Variants in AUH observed in about 807,000 individuals in gnomAD.
AUH encodes AU RNA binding methylglutaconyl-CoA hydratase, also known as methylglutaconyl-CoA hydratase, mitochondrial.
A neutral mutation model predicts 42.3 loss-of-function variants in AUH; 29 were observed. The observed-to-expected ratio is 0.69, with a 90% CI of 0.51 to 0.93. AUH has a LOEUF of 0.93. AUH is among the 40% of genes least tolerant of loss of function. The pLI is 0.00. For synonymous variants in AUH, 174 were observed against 166.4 expected (o/e 1.05, Z -0.35); for missense variants, 452 against 438.1 (o/e 1.03, Z -0.28).
chr9:91,229,206 A>G (rs558135932), intron 6 of AUH, among the ~76,000 whole-genome samples: 105 of 143,416 alleles, frequency 7.3e-4, no homozygotes, highest in African/African-American at 2.5e-3. Flanking sequence ...TTTGTAGGTC[A>G]CTCAGGACTT....
At chr9:91,290,336 A>G (rs10991871) in intron 6 of AUH, among the ~76,000 whole-genome samples, 10,876 of 152,104 alleles carry the variant, frequency 0.072, 672 homozygotes, top group East Asian at 0.26. Context: ...AAGATCTCGA[A>G]CCCAAGAGTT....
intron 6 of AUH, among the ~76,000 whole-genome samples, chr9:91,245,107 A>C (rs1828722309): frequency 6.6e-6 from 1 of 152,200 alleles, no homozygotes; most frequent in Admixed American, 6.5e-5. Context: ...GGGAGGAAAA[A>C]AGCAACGAGA....
chr9:91,307,251 G>C (rs1039796663), intron 4 of AUH, among the ~76,000 whole-genome samples: 1 of 152,092 alleles, frequency 6.6e-6, no homozygotes, highest in Non-Finnish European at 1.5e-5. Flanking sequence ...CCTCAATAAA[G>C]CTATTTTAAA....
At chr9:91,271,585 C>T (rs1349725180) in intron 6 of AUH, among the ~76,000 whole-genome samples, 2 of 152,250 alleles carry the variant, frequency 1.3e-5, no homozygotes, top group Admixed American at 6.5e-5. Context: ...TTTAGTAGGG[C>T]TTGTCCTATG....
At chr9:91,214,639 G>A (rs1225784594) in intron 9 of AUH, among the ~76,000 whole-genome samples, 3 of 151,382 alleles carry the variant, frequency 2.0e-5, no homozygotes, top group African/African-American at 7.4e-5. Context: ...TCCTAATAAG[G>A]TGGAAGGTTA....
At chr9:91,290,877 C>A (rs1826816805) in intron 6 of AUH, among the ~76,000 whole-genome samples, 3 of 152,232 alleles carry the variant, frequency 2.0e-5, no homozygotes, top group African/African-American at 7.2e-5. Context: ...CCCATCTGTC[C>A]CCAAAAATCA....
chr9:91,233,169 G>C (rs187225130), intron 6 of AUH, among the ~76,000 whole-genome samples: 7 of 151,870 alleles, frequency 4.6e-5, no homozygotes, highest in African/African-American at 7.3e-5. Context: ...GTAAGAAAGC[G>C]GGGGGAGATG....
intron 3 of AUH, among the ~76,000 whole-genome samples, 184 bp downstream of exon 3, chr9:91,355,699 G>A (rs1832356010): frequency 6.6e-6 from 1 of 151,952 alleles, no homozygotes; most frequent in African/African-American, 2.4e-5. Context: ...TCTAAATGTT[G>A]CAAAAGCTTC....
chr9:91,254,873 A>G (rs1299759923), intron 6 of AUH, among the ~76,000 whole-genome samples: 1 of 152,208 alleles, frequency 6.6e-6, no homozygotes, highest in Non-Finnish European at 1.5e-5. Context: ...CTCAGTTTCC[A>G]TATTTTTGAT....
intron 6 of AUH, among the ~76,000 whole-genome samples, chr9:91,285,571 A>G (rs1158656085): frequency 1.5e-4 from 18 of 117,958 alleles, no homozygotes; most frequent in Admixed American, 1.4e-3. Flanking sequence ...AGTATTATAA[A>G]GGGCAGTTAT....
At chr9:91,310,074 A>G (rs1231958291) in intron 4 of AUH, among the ~76,000 whole-genome samples, 1 of 152,210 alleles carries the variant, frequency 6.6e-6, no homozygotes, top group Non-Finnish European at 1.5e-5. Context: ...TTGGATGTCC[A>G]CTAAGCATCA....
chr9:91,327,462 C>T (rs1423427664), intron 3 of AUH, among the ~76,000 whole-genome samples: 1 of 152,170 alleles, frequency 6.6e-6, no homozygotes, highest in Non-Finnish European at 1.5e-5. Context: ...AATCAGCACA[C>T]ACACCTCCAT....
chr9:91,288,361 AATTTT>A (rs1826586068), intron 6 of AUH, among the ~76,000 whole-genome samples: 1 of 152,150 alleles, frequency 6.6e-6, no homozygotes, highest in Non-Finnish European at 1.5e-5. Context: ...TCTAAAAGAG[AATTTT>A]ATTTTATAAT....
intron 6 of AUH, among the ~76,000 whole-genome samples, chr9:91,231,518 C>T (rs971378599): frequency 4.6e-5 from 7 of 152,194 alleles, no homozygotes; most frequent in Non-Finnish European, 1.0e-4. Flanking sequence ...CCGTCTTCTG[C>T]GTAGCTCAGG....
chr9:91,235,872 T>C (rs971107503), intron 6 of AUH, among the ~76,000 whole-genome samples: 1 of 152,194 alleles, frequency 6.6e-6, no homozygotes, highest in African/African-American at 2.4e-5. Flanking sequence ...GGCAGCCACC[T>C]TGTGACCATG....
intron 5 of AUH, among the ~76,000 whole-genome samples, chr9:91,297,179 A>G (rs1000874293): frequency 6.6e-6 from 1 of 152,142 alleles, no homozygotes; most frequent in Admixed American, 6.5e-5. Flanking sequence ...CTGGGTTCAA[A>G]TCTCAGTTCA....
At chr9:91,320,708 G>A (rs1829503060) in intron 4 of AUH, among the ~76,000 whole-genome samples, 2 of 152,240 alleles carry the variant, frequency 1.3e-5, no homozygotes, top group South Asian at 4.1e-4. Flanking sequence ...TTCCACCGTG[G>A]ACAGAAAATA....
At chr9:91,237,307 A>G (rs1828243748) in intron 6 of AUH, among the ~76,000 whole-genome samples, 1 of 152,206 alleles carries the variant, frequency 6.6e-6, no homozygotes, top group African/African-American at 2.4e-5. Flanking sequence ...GTGCCGGGGC[A>G]GGAGTGAGAA....
intron 7 of AUH, among the ~76,000 whole-genome samples, chr9:91,218,155 T>C (rs1307326041): frequency 6.6e-6 from 1 of 152,236 alleles, no homozygotes; most frequent in African/African-American, 2.4e-5. Context: ...GACTCTTGGA[T>C]GGTGACATGG....
Sources: gnomAD v4.1 joint callset for allele counts (sites outside exome capture counted in the v4.1 genomes callset) on GRCh38, gnomAD v4.1.1 for gene constraint, MANE v1.5 for transcripts, NCBI Gene and HGNC (gene_info 2026-07-23, HGNC 2026-07-21) for gene names.